TNKS: variants seen among roughly 807,000 people sequenced by gnomAD.
TNKS encodes poly [ADP-ribose] polymerase tankyrase-1.
TNKS carries 72 observed loss-of-function variants against 135.8 expected under a neutral mutation model. The ratio of observed to expected loss-of-function variants is 0.53; its 90% CI spans 0.44 to 0.64. The LOEUF (loss-of-function observed/expected upper bound fraction) is 0.64, where lower values mean the gene tolerates loss of function less well. Ranked by LOEUF, TNKS falls within the 30% of genes least tolerant of loss-of-function variation. TNKS has a pLI of 0.00. For synonymous variants in TNKS, 849 were observed against 649.3 expected (o/e 1.31, Z -4.68); for missense variants, 1,769 against 1,674.0 (o/e 1.06, Z -0.99).
intron 26 of TNKS, among the ~76,000 whole-genome samples, chr8:9,772,792 AAT>A (rs1491391365): frequency 7.5e-6 from 1 of 133,348 alleles, no homozygotes; most frequent in Admixed American, 8.6e-5. Flanking sequence ...TTTTGGGGAG[AAT>A]GTGTGTGTGT....
chr8:9,677,696 C>A (rs1285217150), intron 3 of TNKS, among the ~76,000 whole-genome samples: 2 of 152,010 alleles, frequency 1.3e-5, no homozygotes, highest in Non-Finnish European at 2.9e-5. Context: ...CTTTGCACTA[C>A]CCTTGTTAAA....
At chr8:9,627,693 C>T (rs1237055213) in intron 3 of TNKS, among the ~76,000 whole-genome samples, 1 of 152,064 alleles carries the variant, frequency 6.6e-6, no homozygotes, top group African/African-American at 2.4e-5. Context: ...TGTTTTTCCA[C>T]TCACTGTTTG....
intron 2 of TNKS, among the ~76,000 whole-genome samples, chr8:9,601,360 T>C (rs935506254): frequency 1.3e-5 from 2 of 152,240 alleles, no homozygotes; most frequent in African/African-American, 2.4e-5. Flanking sequence ...TAGCTACTCA[T>C]TGAGATATCT....
At chr8:9,775,457 TTCTATATATATATA>T (rs1370428708) in intron 26 of TNKS, among the ~76,000 whole-genome samples, 11 of 65,830 alleles carry the variant, frequency 1.7e-4, no homozygotes, top group Non-Finnish European at 3.0e-4. Flanking sequence ...TTATGAATGG[TTCTATATATATATA>T]TATATATATA....
At chr8:9,619,748 C>G (rs1799793530) in intron 3 of TNKS, among the ~76,000 whole-genome samples, 1 of 151,072 alleles carries the variant, frequency 6.6e-6, no homozygotes, top group African/African-American at 2.4e-5. Context: ...CTTGCTGAGA[C>G]TGGCTTAGTA....
intron 17 of TNKS, among the ~76,000 whole-genome samples, chr8:9,735,900 C>T (rs1437211752): frequency 6.6e-6 from 1 of 152,010 alleles, no homozygotes; most frequent in Non-Finnish European, 1.5e-5. Flanking sequence ...AGATATCTAA[C>T]TAATAGCATG....
intron 3 of TNKS, among the ~76,000 whole-genome samples, chr8:9,672,654 TAAAAAAAAAA>T (rs746763150): frequency 2.3e-5 from 1 of 42,830 alleles, no homozygotes; most frequent in South Asian, 8.2e-4. Flanking sequence ...ACTGTGATGG[TAAAAAAAAAA>T]AAAAAAAAAA....
At position 9,570,997 on chromosome 8, in the gene TNKS, A is replaced by T. The variant is rs373164139; in HGVS notation, c.674-9162A>T. 5.3e-5 allele frequency among the ~76,000 whole-genome samples: 8 copies of T among 152,314 alleles called. No individual in the cohort carries two copies. The East Asian group carries it at 1.5e-3, about 29-fold the overall frequency. ...ATAAAAAAATAAATAAAAATCAACCATTAAAAATGGAGGTAGATTTTGTTT... is the reference window on the plus strand; with the variant it reads ...ATAAAAAAATAAATAAAAATCAACCTTTAAAAATGGAGGTAGATTTTGTTT... On this transcript the variant is annotated intron_variant, in intron 1 of 26. Transcript: ENST00000310430.
chr8:9,727,710 C>T (rs984932524), intron 13 of TNKS, among the ~76,000 whole-genome samples: 1 of 152,196 alleles, frequency 6.6e-6, no homozygotes, highest in South Asian at 2.1e-4. Flanking sequence ...CTAATTTTAG[C>T]ATTCTTGATA....
rs1351098263 is a variant in TNKS at position 9,715,369 on chromosome 8, G to C, written c.1750-5005G>C. Reference sequence around the variant, plus strand: ...AGGTTGTACTAGCAGCAGGGGGGGCGGGTATGATCATCTCTGGTCTGAAGG... The same window carrying C: ...AGGTTGTACTAGCAGCAGGGGGGGCCGGTATGATCATCTCTGGTCTGAAGG... On this transcript the variant is annotated intron_variant, in intron 11 of 26. Coordinates refer to ENST00000310430, the MANE Select transcript of TNKS (RefSeq NM_003747.3). Among the ~76,000 whole-genome samples the C allele has an allele frequency of 2.5e-4, 6 of 24,174 alleles. No individual in the cohort carries two copies. In the South Asian group the frequency reaches 6.1e-3, roughly 24 times the overall value. The allele number at this position is 24,174 out of a possible 152,430, so 15.9% of individuals were successfully genotyped here.
chr8:9,764,633 T>A, intron 22 of TNKS, 83 bp from the exon 23 acceptor site: 1 of 1,005,544 alleles, frequency 9.9e-7, no homozygotes, highest in Non-Finnish European at 1.4e-6. Context: ...CCTATTTATT[T>A]ATTAATACTG....
chr8:9,746,983 A>G (rs181771545), intron 17 of TNKS, among the ~76,000 whole-genome samples: 4 of 146,992 alleles, frequency 2.7e-5, no homozygotes, highest in Non-Finnish European at 4.4e-5. Flanking sequence ...TTTGGGTTCA[A>G]GTGATTCTCT....
intron 5 of TNKS, among the ~76,000 whole-genome samples, chr8:9,701,188 C>G (rs567111738): frequency 5.9e-5 from 9 of 152,310 alleles, no homozygotes; most frequent in African/African-American, 2.2e-4. Context: ...CCGCCCGCCT[C>G]AGCCTCCCAA....
intron 1 of TNKS, among the ~76,000 whole-genome samples, chr8:9,564,598 TA>T (rs1363512489): frequency 6.6e-6 from 1 of 152,226 alleles, no homozygotes. Flanking sequence ...TAGCTTACTA[TA>T]AAATATTGCA....
At chr8:9,720,886 A>T (rs994610458) in intron 12 of TNKS, among the ~76,000 whole-genome samples, 7 of 152,214 alleles carry the variant, frequency 4.6e-5, no homozygotes, top group East Asian at 1.9e-4. Context: ...TATGGTAATG[A>T]CATTTAATTA....
At chr8:9,749,555 A>G (rs959470055) in intron 18 of TNKS, among the ~76,000 whole-genome samples, 1 of 149,978 alleles carries the variant, frequency 6.7e-6, no homozygotes, top group African/African-American at 2.5e-5. Context: ...GCTCACCACA[A>G]CCCCAACCTC....
At chr8:9,569,592 G>T (rs1797684908) in intron 1 of TNKS, among the ~76,000 whole-genome samples, 1 of 152,246 alleles carries the variant, frequency 6.6e-6, no homozygotes, top group East Asian at 1.9e-4. Flanking sequence ...TTGAGTATTT[G>T]GGTGGTTTTT....
At chr8:9,747,729 T>G (rs910772975) in intron 17 of TNKS, among the ~76,000 whole-genome samples, 1 of 152,216 alleles carries the variant, frequency 6.6e-6, no homozygotes, top group Non-Finnish European at 1.5e-5. Context: ...ACAAAGTATT[T>G]GTTTTTAAAA....
intron 1 of TNKS, 153 bp downstream of exon 1, chr8:9,556,765 G>C (rs1439752252): frequency 6.0e-6 from 5 of 832,704 alleles, no homozygotes; most frequent in East Asian, 2.8e-5. Context: ...CTTTCTTTTG[G>C]TGGTGCCTGG....
Sources: allele counts gnomAD v4.1 joint callset (sites outside exome capture counted in the v4.1 genomes callset), GRCh38; gene constraint gnomAD v4.1.1; transcripts MANE v1.5; gene names NCBI Gene and HGNC (gene_info 2026-07-23, HGNC 2026-07-21).